The following STK32B variants were observed in gnomAD, a reference collection of about 807,000 sequenced individuals.
STK32B encodes serine/threonine kinase 32B, also known as serine/threonine-protein kinase 32B.
Under a neutral mutation model 52.6 loss-of-function variants are expected in STK32B, and 43 were observed. That is an observed-to-expected ratio of 0.82 (90% CI 0.64 to 1.05). STK32B has a LOEUF of 1.05. Among genes scored for constraint, STK32B ranks in the 50% least tolerant of loss-of-function variants. STK32B has a pLI of 0.00. For synonymous variants in STK32B, 238 were observed against 204.3 expected (o/e 1.17, Z -1.41); for missense variants, 621 against 534.6 (o/e 1.16, Z -1.59).
intron 4 of STK32B, among the ~76,000 whole-genome samples, chr4:5,338,231 CAG>C (rs1560332713): frequency 2.0e-5 from 3 of 151,162 alleles, no homozygotes; most frequent in Non-Finnish European, 4.4e-5. Flanking sequence ...ATACAAATAA[CAG>C]AAACAAACAC....
chr4:5,042,878 G>C, the STK32B span, among the ~76,000 whole-genome samples: 2 of 151,540 alleles, frequency 1.3e-5, no homozygotes, highest in African/African-American at 4.9e-5. Flanking sequence ...AGGCCGAGGC[G>C]GGTGGATCAT....
rs987727428 is a variant in STK32B, at chr4:5,422,330, T to A, written c.562+5396T>A. ...TAATGCCAAGTGGCAGGTTTGTTTATTTCACTCACTTGAGCTGTTCAGTTC... is the reference window on the plus strand; with the variant it reads ...TAATGCCAAGTGGCAGGTTTGTTTAATTCACTCACTTGAGCTGTTCAGTTC... On this transcript the variant is annotated intron_variant, in intron 6 of 11. Coordinates refer to ENST00000282908, the MANE Select transcript of STK32B (RefSeq NM_018401.3). 3.1e-4 allele frequency among the ~76,000 whole-genome samples: 47 copies of A among 152,304 alleles called. No homozygotes were observed. The East Asian group carries it at 7.5e-3, about 24-fold the overall frequency.
chr4:5,042,962 C>T, the STK32B span, among the ~76,000 whole-genome samples: 5 of 151,482 alleles, frequency 3.3e-5, no homozygotes, highest in East Asian at 1.9e-4. Flanking sequence ...AAAAATTAGC[C>T]GGGCGCGGTG....
chr4:5,312,048 T>C (rs1435732873), intron 3 of STK32B, among the ~76,000 whole-genome samples: 4 of 151,640 alleles, frequency 2.6e-5, no homozygotes, highest in Admixed American at 2.6e-4. Flanking sequence ...ATTATATATT[T>C]TAACAGAAGT....
chr4:5,499,145 C>T lies in STK32B; in HGVS notation c.*62C>T, dbSNP rs923161579. 2 of 1,522,780 alleles carry T rather than the reference C, an allele frequency of 1.3e-6. No individual in the cohort carries two copies. Among genetic ancestry groups the T allele is most frequent in the Non-Finnish European group, 1.8e-6 (2 of 1,129,070 alleles). The allele number at this position is 1,522,780 out of a possible 1,614,324, so 94.3% of individuals were successfully genotyped here. A position where few individuals can be genotyped will look rare whatever the true frequency, so the allele number is the denominator to read the frequency against. ...TCTCTGCCCTGCCCACCCAGAGCCC[C>T]TCTTTGTGCCCTGATGGTCCCTGTC... On this transcript the variant is annotated 3_prime_UTR_variant, in exon 12 of 12. Coordinates refer to ENST00000282908, the MANE Select transcript of STK32B (RefSeq NM_018401.3).
intron 3 of STK32B, among the ~76,000 whole-genome samples, chr4:5,313,823 G>C (rs915236941): frequency 3.3e-5 from 5 of 152,024 alleles, no homozygotes; most frequent in African/African-American, 1.2e-4. Context: ...CAACAATTTA[G>C]AAATCCCATT....
rs115764637 is a variant in STK32B at position 5,422,045 on chromosome 4, C to T, written c.562+5111C>T. Among the ~76,000 whole-genome samples the T allele has an allele frequency of 2.3e-3, 357 of 152,262 alleles. 4 individuals are homozygous for T. The highest frequency in any genetic ancestry group is 8.3e-3 in the African/African-American group (343 of 41,536). On this transcript the variant is annotated intron_variant, in intron 6 of 11. Transcript: ENST00000282908. The stretch of plus-strand genomic sequence containing the variant: ...CAGCCAAGAAATAAGTTCATTGTCC[C>T]AGCTGTATGTGAGAGTCGGGGTTAC...
intron 4 of STK32B, among the ~76,000 whole-genome samples, chr4:5,391,682 T>C (rs528176057): frequency 1.3e-5 from 2 of 152,318 alleles, no homozygotes. Flanking sequence ...GATCAGGAAA[T>C]GCCTGAAGGC....
At chr4:5,340,494 A>G (rs1733004876) in intron 4 of STK32B, among the ~76,000 whole-genome samples, 1 of 152,246 alleles carries the variant, frequency 6.6e-6, no homozygotes, top group African/African-American at 2.4e-5. Flanking sequence ...GGTAGGGAGC[A>G]CACCCTAACA....
rs1193462359 is a variant in STK32B at position 5,489,621 on chromosome 4, A to ATT, written c.1107-9319_1107-9318dup. On this transcript the variant is annotated intron_variant, in intron 11 of 11. Transcript: ENST00000282908. ...ACAACAATTTTATTTTATTTTATTT[A>ATT]TTTTTTATTATTTTTTTTGAGATGG... Among the ~76,000 whole-genome samples the ATT allele has an allele frequency of 2.0e-5, 3 of 151,708 alleles. No individual in the cohort carries two copies. The East Asian group carries it at 6.0e-4, about 30-fold the overall frequency.
intron 3 of STK32B, among the ~76,000 whole-genome samples, chr4:5,243,784 A>C (rs967689519): frequency 9.9e-5 from 15 of 152,138 alleles, no homozygotes; most frequent in Admixed American, 2.0e-4. Flanking sequence ...AGTTTTTAGC[A>C]TGAAGGGTTG....
the STK32B span, among the ~76,000 whole-genome samples, chr4:5,046,003 G>GA: frequency 8.5e-5 from 13 of 152,214 alleles, no homozygotes; most frequent in African/African-American, 1.4e-4. Flanking sequence ...CACAGAATTA[G>GA]AAAAAACTAC....
At chr4:5,495,601 T>C (rs1720162498) in intron 11 of STK32B, among the ~76,000 whole-genome samples, 1 of 152,226 alleles carries the variant, frequency 6.6e-6, no homozygotes, top group South Asian at 2.1e-4. Flanking sequence ...CCCTCCAGCT[T>C]TGTTCCGTTG....
intron 1 of STK32B, among the ~76,000 whole-genome samples, chr4:5,099,954 A>G (rs976531558): frequency 2.0e-5 from 3 of 151,840 alleles, no homozygotes; most frequent in Non-Finnish European, 4.4e-5. Context: ...CTGCATCTTT[A>G]TTTGAGATGT....
chr4:5,160,228 T>C (rs561955734), intron 2 of STK32B, among the ~76,000 whole-genome samples: 1 of 152,282 alleles, frequency 6.6e-6, no homozygotes, highest in African/African-American at 2.4e-5. Flanking sequence ...ATCTCCACAA[T>C]GTCCTGTGCC....
Position 5,499,161 on chromosome 4 carries a change from G to C in STK32B, c.*78G>C. On this transcript the variant is annotated 3_prime_UTR_variant, in exon 12 of 12. Coordinates refer to ENST00000282908, the MANE Select transcript of STK32B (RefSeq NM_018401.3). ...CCAGAGCCCCTCTTTGTGCCCTGATGGTCCCTGTCTCACCCCTGAAAACAT... is the reference window on the plus strand; with the variant it reads ...CCAGAGCCCCTCTTTGTGCCCTGATCGTCCCTGTCTCACCCCTGAAAACAT... 2 of 1,482,908 alleles carry C rather than the reference G, an allele frequency of 1.3e-6. No individual in the cohort carries two copies. The highest frequency in any genetic ancestry group is 1.8e-6 in the Non-Finnish European group (2 of 1,109,558). The allele number at this position is 1,482,908 out of a possible 1,614,324, so 91.9% of individuals were successfully genotyped here. A position where few individuals can be genotyped will look rare whatever the true frequency, so the allele number is the denominator to read the frequency against.
chr4:5,402,271 G>C (rs6834396), intron 5 of STK32B, among the ~76,000 whole-genome samples: 65,193 of 152,128 alleles, frequency 0.43, 16,396 homozygotes, highest in African/African-American at 0.71. Context: ...TTGCCTAACA[G>C]GAGGGTGATG....
In STK32B at chr4:5,453,534, T is replaced by C. The variant is rs907021317; in HGVS notation, c.667-3273T>C. On this transcript the variant is annotated intron_variant, in intron 7 of 11. Transcript: ENST00000282908. The surrounding 1 kb of genome is among the most constrained non-coding windows in gnomAD (Gnocchi z 4.0). ...TTGTCCAGGGTCTTTGCACCTCCTT[T>C]TCAGGGTAGGGGTGGGACTGTTTTG... Among the ~76,000 whole-genome samples the C allele has an allele frequency of 6.6e-6, 1 of 151,940 alleles. No homozygotes were observed. Among genetic ancestry groups the C allele is most frequent in the African/African-American group, 2.4e-5 (1 of 41,332 alleles).
At chr4:5,288,915 G>A (rs1728713351) in intron 3 of STK32B, among the ~76,000 whole-genome samples, 2 of 152,140 alleles carry the variant, frequency 1.3e-5, no homozygotes, top group South Asian at 2.1e-4. Context: ...TGAGTTTAAA[G>A]CAAGTTTTTG....
Sources: gnomAD v4.1 joint callset for allele counts (sites outside exome capture counted in the v4.1 genomes callset) on GRCh38, gnomAD v4.1.1 for gene constraint, Gnocchi (gnomAD v3.1) non-coding constraint, MANE v1.5 for transcripts, NCBI Gene and HGNC (gene_info 2026-07-23, HGNC 2026-07-21) for gene names.